AGMO: variants seen among roughly 807,000 people sequenced by gnomAD.
AGMO encodes alkylglycerol monooxygenase.
AGMO carries 75 observed loss-of-function variants against 60.2 expected under a neutral mutation model. The ratio of observed to expected loss-of-function variants is 1.25; its 90% CI spans 1.03 to 1.51. The LOEUF is 1.51. Ranked by LOEUF, AGMO falls within the 40% of genes most tolerant of loss-of-function variation. The pLI, the probability that AGMO is intolerant of heterozygous loss-of-function variation, is 0.00. For missense variants in AGMO, 763 were observed against 525.5 expected (o/e 1.45, Z -4.42); for synonymous variants, 261 against 177.1 (o/e 1.47, Z -3.76).
At chr7:15,189,436 T>C in the AGMO span, among the ~76,000 whole-genome samples, 7 of 152,178 alleles carry the variant, frequency 4.6e-5, no homozygotes, top group Non-Finnish European at 4.4e-5. Flanking sequence ...TGTGCTATCA[T>C]AGCTGATTTT....
the AGMO span, among the ~76,000 whole-genome samples, chr7:15,126,455 G>C: frequency 6.6e-6 from 1 of 152,036 alleles, no homozygotes; most frequent in Non-Finnish European, 1.5e-5. Context: ...GGGAAATAAA[G>C]AATGTGTACT....
chr7:15,324,392 G>A (rs372314440), intron 12 of AGMO, among the ~76,000 whole-genome samples: 3 of 152,108 alleles, frequency 2.0e-5, no homozygotes, highest in South Asian at 4.1e-4. Context: ...CTTTTAAAGC[G>A]CCCATCTTGG....
chr7:15,556,171 C>T (rs917862651), intron 2 of AGMO, among the ~76,000 whole-genome samples: 2 of 151,266 alleles, frequency 1.3e-5, no homozygotes, highest in African/African-American at 4.9e-5. Flanking sequence ...CTGGCCCCAC[C>T]CCAAAGAGTC....
Position 15,418,661 on chromosome 7 carries a change from A to C in AGMO, c.514-8T>G, listed in dbSNP as rs756892343. On this transcript the variant is annotated splice_polypyrimidine_tract_variant and splice_region_variant and intron_variant, in intron 4 of 12. Transcript: ENST00000342526. ...CAGGGGAGAGTAGAAAATCTGAAAG[A>C]AAAAATTAAAAAAAAATTAATTTGC... is the stretch of plus-strand genomic sequence containing the variant. 6.7e-7 allele frequency: 1 copy of C among 1,484,754 alleles called. No homozygotes were observed. Among genetic ancestry groups the C allele is most frequent in the Non-Finnish European group, 9.1e-7 (1 of 1,094,382 alleles). 92.0% of individuals were successfully genotyped at this position (1,484,754 alleles called of 1,614,324 possible). A position where few individuals can be genotyped will look rare whatever the true frequency, so the allele number is the denominator to read the frequency against.
chr7:15,454,819 T>G (rs1781956559), intron 3 of AGMO, among the ~76,000 whole-genome samples: 1 of 152,118 alleles, frequency 6.6e-6, no homozygotes, highest in Non-Finnish European at 1.5e-5. Flanking sequence ...ATTGCAGTTT[T>G]AAAAGTTAAA....
At chr7:15,219,093 G>A (rs1040302642) in intron 12 of AGMO, among the ~76,000 whole-genome samples, 1 of 151,842 alleles carries the variant, frequency 6.6e-6, no homozygotes, top group Non-Finnish European at 1.5e-5. Flanking sequence ...GTACCTCCAT[G>A]CACTAATTAT....
At chr7:15,519,984 CA>C (rs61041008) in intron 3 of AGMO, among the ~76,000 whole-genome samples, 86,179 of 110,746 alleles carry the variant, frequency 0.78, 31,731 homozygotes, top group East Asian at 0.92. Flanking sequence ...AATGGGAAGC[CA>C]AAAAAAAAAA....
chr7:15,542,978 T>C (rs1449966305), intron 3 of AGMO, among the ~76,000 whole-genome samples: 2 of 152,178 alleles, frequency 1.3e-5, no homozygotes, highest in Non-Finnish European at 2.9e-5. Flanking sequence ...TTAACAGCCT[T>C]GAGCATAACA....
chr7:15,348,123 G>T (rs559676752), intron 12 of AGMO, among the ~76,000 whole-genome samples: 1 of 151,946 alleles, frequency 6.6e-6, no homozygotes, highest in Non-Finnish European at 1.5e-5. Flanking sequence ...ATCAGAGATG[G>T]AAAGAACACA....
chr7:15,309,973 C>A (rs1240322975), intron 12 of AGMO, among the ~76,000 whole-genome samples: 1 of 152,102 alleles, frequency 6.6e-6, no homozygotes, highest in African/African-American at 2.4e-5. Flanking sequence ...CCTTCAGCTT[C>A]ATATAAATTT....
chr7:15,418,532 C>A, intron 5 of AGMO, 26 bp downstream of exon 5: 1 of 1,432,582 alleles, frequency 7.0e-7, no homozygotes, highest in Non-Finnish European at 9.7e-7. Context: ...AGGTATAAAA[C>A]TTACAAAGAT....
chr7:15,544,980 C>G, intron 2 of AGMO, 57 bp from the exon 3 acceptor site: 1 of 1,238,366 alleles, frequency 8.1e-7, no homozygotes. Flanking sequence ...AAAAATTACG[C>G]TAAAATGTTT....
intron 12 of AGMO, among the ~76,000 whole-genome samples, chr7:15,214,689 T>G (rs183938251): frequency 4.6e-5 from 7 of 152,156 alleles, no homozygotes; most frequent in Admixed American, 2.0e-4. Flanking sequence ...CTTTTTATTT[T>G]TAATATTGAA....
the AGMO span, among the ~76,000 whole-genome samples, chr7:15,131,983 C>G: frequency 6.6e-6 from 1 of 152,174 alleles, no homozygotes; most frequent in South Asian, 2.1e-4. Flanking sequence ...TCCTGCTGGA[C>G]TCACAATTGT....
chr7:15,203,653 C>A (rs796821833), intron 12 of AGMO, among the ~76,000 whole-genome samples: 15 of 152,036 alleles, frequency 9.9e-5, no homozygotes, highest in African/African-American at 3.6e-4. Context: ...GTCCCACATG[C>A]CTTTATTAGA....
Position 15,544,851 on chromosome 7 carries a change from A to C in AGMO, c.330T>G (p.Pro110=), listed in dbSNP as rs772380891. The C allele has an allele frequency of 6.2e-7, 1 of 1,610,362 alleles. No individual in the cohort carries two copies. Among genetic ancestry groups the C allele is most frequent in the Admixed American group, 1.7e-5 (1 of 59,540 alleles). Residue 110 remains proline, a synonymous_variant, in exon 3 of 13, where the codon CCT becomes CCG. Transcript: ENST00000342526. ...AATACCAAGTCCATGGAGAATCCCA[A>C]GGCAAATTGAACAGCCTGTAGTTCT... ...IWENYRLFNL[P]WDSPWTWYSA...
chr7:15,536,122 C>T (rs1784478668), intron 3 of AGMO, among the ~76,000 whole-genome samples: 1 of 151,884 alleles, frequency 6.6e-6, no homozygotes, highest in African/African-American at 2.4e-5. Context: ...AACTATCTGA[C>T]AGTCACTCCC....
intron 3 of AGMO, among the ~76,000 whole-genome samples, chr7:15,447,817 C>G (rs1781742073): frequency 6.6e-6 from 1 of 152,054 alleles, no homozygotes; most frequent in South Asian, 2.1e-4. Flanking sequence ...CCTCCCAAAG[C>G]ACTGGAGTAT....
At chr7:15,288,664 T>C (rs62450291) in intron 12 of AGMO, among the ~76,000 whole-genome samples, 14,912 of 151,810 alleles carry the variant, frequency 0.098, 769 homozygotes, top group East Asian at 0.2. Flanking sequence ...AAGATTCTGA[T>C]GCAAATTTTT....
Sources: gnomAD v4.1 joint callset for allele counts (sites outside exome capture counted in the v4.1 genomes callset) on GRCh38, gnomAD v4.1.1 for gene constraint, MANE v1.5 for transcripts, NCBI Gene and HGNC (gene_info 2026-07-23, HGNC 2026-07-21) for gene names.